The following IQCK variants were observed in gnomAD, a reference collection of about 807,000 sequenced individuals.
IQCK encodes the protein IQ motif containing K.
A neutral mutation model predicts 28.1 loss-of-function variants in IQCK; 29 were observed. The observed-to-expected ratio is 1.03, with a 90% confidence interval of 0.77 to 1.41. IQCK has a LOEUF of 1.41. IQCK is among the 40% of genes most tolerant of loss of function. IQCK has a pLI of 0.00. For missense variants in IQCK, 359 were observed against 314.7 expected (o/e 1.14, Z -1.07); for synonymous variants, 113 against 115.1 (o/e 0.98, Z 0.12).
chr16:19,719,003 C>T (rs970225833), intron 1 of IQCK, among the ~76,000 whole-genome samples: 1 of 152,214 alleles, frequency 6.6e-6, no homozygotes, highest in Non-Finnish European at 1.5e-5. Context: ...TTGCTTCAAA[C>T]CTTCCTTAAC....
At chr16:19,809,105 C>A (rs2055869701) in intron 7 of IQCK, among the ~76,000 whole-genome samples, 1 of 152,240 alleles carries the variant, frequency 6.6e-6, no homozygotes, top group Non-Finnish European at 1.5e-5. Flanking sequence ...GATCCACCTG[C>A]CTCAGCCTCC....
At chr16:19,789,558 A>G (rs963373609) in intron 7 of IQCK, among the ~76,000 whole-genome samples, 1 of 46,698 alleles carries the variant, frequency 2.1e-5, no homozygotes, top group Non-Finnish European at 3.3e-5. Flanking sequence ...GTCATTTTAG[A>G]AAAAAAAACT....
At chr16:19,782,075 CTT>C (rs1272164469) in intron 6 of IQCK, among the ~76,000 whole-genome samples, 3 of 152,130 alleles carry the variant, frequency 2.0e-5, no homozygotes, top group African/African-American at 7.2e-5. Flanking sequence ...GGTAAAGTCT[CTT>C]TTGCTGACTG....
intron 4 of IQCK, among the ~76,000 whole-genome samples, chr16:19,753,967 ACATCT>A (rs1425959121): frequency 6.6e-6 from 1 of 152,142 alleles, no homozygotes; most frequent in African/African-American, 2.4e-5. Context: ...ACCTCCCCTG[ACATCT>A]CATCACTCTG....
intron 6 of IQCK, among the ~76,000 whole-genome samples, chr16:19,769,390 T>C (rs1460552668): frequency 6.6e-6 from 1 of 152,216 alleles, no homozygotes. Context: ...GTTGTGAAGA[T>C]ACAGTGATAC....
chr16:19,851,357 T>C (rs901272390), intron 9 of IQCK, among the ~76,000 whole-genome samples: 1 of 152,214 alleles, frequency 6.6e-6, no homozygotes, highest in African/African-American at 2.4e-5. Flanking sequence ...CAGGAATCTA[T>C]ATTTTCACCC....
intron 1 of IQCK, among the ~76,000 whole-genome samples, chr16:19,726,650 G>T (rs1977663833): frequency 6.6e-6 from 1 of 152,150 alleles, no homozygotes; most frequent in African/African-American, 2.4e-5. Flanking sequence ...TTAACACACA[G>T]AATGGTTCAT....
downstream of IQCK, among the ~76,000 whole-genome samples, chr16:19,831,137 C>T (rs1038070745): frequency 8.5e-5 from 13 of 152,186 alleles, no homozygotes; most frequent in African/African-American, 3.1e-4. Flanking sequence ...GGGGCTGGGC[C>T]CAGGACTTCC....
chr16:19,856,671 C>G (rs2056567077), exon 10 of IQCK: 1 of 757,982 alleles, frequency 1.3e-6, no homozygotes, highest in Admixed American at 2.3e-5. Flanking sequence ...CAAATGGAAT[C>G]TTTTCTGTAC....
Position 19,718,399 on chromosome 16 carries a change from CGT to C in IQCK, c.96_97del (p.Leu34ArgfsTer29). On this transcript the variant is annotated frameshift_variant, in exon 1 of 8. Coordinates refer to ENST00000564186, the Ensembl canonical transcript of IQCK. LOFTEE classifies it high-confidence loss of function. ...CGTTCACCCGGACGCCGGTGCCCAC[CGT>C]GTCTCTCGCGTCCCGCGAGCTGCCT... 6.2e-7 allele frequency: 1 copy of C among 1,605,956 alleles called. No homozygotes were observed. The highest frequency in any genetic ancestry group is 8.5e-7 in the Non-Finnish European group (1 of 1,177,166).
At chr16:19,805,332 T>C (rs1318019771) in intron 7 of IQCK, among the ~76,000 whole-genome samples, 6 of 152,184 alleles carry the variant, frequency 3.9e-5, no homozygotes, top group African/African-American at 1.4e-4. Context: ...TTTTGATCCT[T>C]TGCAATTTGG....
intron 1 of IQCK, among the ~76,000 whole-genome samples, chr16:19,725,973 C>T (rs183156249): frequency 9.8e-4 from 146 of 148,378 alleles, no homozygotes; most frequent in African/African-American, 3.4e-3. Context: ...TGGAGTGCAG[C>T]GGCTCGATCT....
intron 6 of IQCK, among the ~76,000 whole-genome samples, chr16:19,778,081 CT>C (rs2055420387): frequency 6.6e-6 from 1 of 152,118 alleles, no homozygotes; most frequent in African/African-American, 2.4e-5. Flanking sequence ...TTCAGAGAGC[CT>C]GTGCGAAGCA....
chr16:19,751,196 T>C (rs568110060), intron 4 of IQCK, among the ~76,000 whole-genome samples: 278 of 152,160 alleles, frequency 1.8e-3, no homozygotes, highest in African/African-American at 6.4e-3. Context: ...GCCATCGTTA[T>C]TAAGAATTGT....
rs140804453 is a variant in IQCK, at chr16:19,799,640, A to C, written c.690+10718A>C. Reference sequence around the variant, plus strand: ...CACACACACACACACACACACACACACCCAGTGAATACATTGAGTCATAAC... The same window carrying C: ...CACACACACACACACACACACACACCCCCAGTGAATACATTGAGTCATAAC... On this transcript the variant is annotated intron_variant, in intron 7 of 7. Coordinates refer to ENST00000564186, the Ensembl canonical transcript of IQCK. 8.8e-3 allele frequency among the ~76,000 whole-genome samples: 985 copies of C among 111,792 alleles called. 102 individuals carry two copies. Among genetic ancestry groups the C allele is most frequent in the African/African-American group, 0.032 (705 of 21,694 alleles). 73.3% of individuals were successfully genotyped at this position (111,792 alleles called of 152,430 possible).
chr16:19,855,945 T>G (rs766606282), intron 9 of IQCK, among the ~76,000 whole-genome samples: 2 of 152,156 alleles, frequency 1.3e-5, no homozygotes, highest in Non-Finnish European at 2.9e-5. Context: ...CTGTTGGGAT[T>G]AATTCCCCTT....
downstream of IQCK, among the ~76,000 whole-genome samples, chr16:19,831,419 G>A (rs2056231983): frequency 6.6e-6 from 1 of 152,190 alleles, no homozygotes; most frequent in Non-Finnish European, 1.5e-5. Flanking sequence ...CTGTCGCCGA[G>A]TTGAATCACT....
chr16:19,750,493 G>C (rs762632069), intron 4 of IQCK, among the ~76,000 whole-genome samples: 1 of 150,578 alleles, frequency 6.6e-6, no homozygotes, highest in African/African-American at 2.5e-5. Flanking sequence ...ATGGAGTCTT[G>C]CTCTGTCACC....
At chr16:19,780,040 T>TATTC (rs1399751407) in intron 6 of IQCK, among the ~76,000 whole-genome samples, 6 of 145,834 alleles carry the variant, frequency 4.1e-5, no homozygotes, top group Non-Finnish European at 9.0e-5. Context: ...TTTATTTATT[T>TATTC]ATTTATTTAT....
Sources: allele counts gnomAD v4.1 joint callset (sites outside exome capture counted in the v4.1 genomes callset), GRCh38; gene constraint gnomAD v4.1.1; transcripts MANE v1.5; gene names NCBI Gene and HGNC (gene_info 2026-07-23, HGNC 2026-07-21).